Variants in NTNG1 observed in about 807,000 individuals in gnomAD.
NTNG1 encodes the protein netrin-G1.
Under a neutral mutation model 54.0 loss-of-function variants are expected in NTNG1, and 16 were observed. The observed-to-expected ratio is 0.30, with a 90% CI of 0.20 to 0.45. The LOEUF is 0.45. Among genes scored for constraint, NTNG1 ranks in the 20% least tolerant of loss-of-function variants. The probability of loss-of-function intolerance (pLI) is 1.00; values close to 1 mark genes in which losing one functional copy is unlikely to be tolerated. For missense variants in NTNG1, 530 were observed against 678.7 expected, an observed-to-expected ratio of 0.78 and a Z score of 2.43; for synonymous variants, 255 against 263.1, an observed-to-expected ratio of 0.97 and a Z score of 0.30.
intron 1 of NTNG1, among the ~76,000 whole-genome samples, chr1:107,147,727 T>A (rs1454906515): frequency 6.6e-6 from 1 of 152,196 alleles, no homozygotes; most frequent in Non-Finnish European, 1.5e-5. Context: ...CATTGTTCTC[T>A]TGGAAGATTT....
chr1:107,309,508 A>G (rs1337040123), intron 2 of NTNG1, among the ~76,000 whole-genome samples: 1 of 152,210 alleles, frequency 6.6e-6, no homozygotes, highest in African/African-American at 2.4e-5. Flanking sequence ...TTGTTTGCTC[A>G]TCTTTTATTG....
chr1:107,346,884 T>TAAA (rs537482440), intron 3 of NTNG1, among the ~76,000 whole-genome samples: 2 of 97,142 alleles, frequency 2.1e-5, no homozygotes, highest in African/African-American at 3.9e-5. Context: ...TTTTCTATCC[T>TAAA]AAAAAAAAAA....
intron 2 of NTNG1, among the ~76,000 whole-genome samples, chr1:107,285,164 C>T (rs769045783): frequency 3.3e-5 from 5 of 152,026 alleles, no homozygotes; most frequent in Admixed American, 1.3e-4. Context: ...CAGAATAACA[C>T]GAAGTAGAGT....
chr1:107,470,566 T>C (rs1339962853), intron 7 of NTNG1, among the ~76,000 whole-genome samples: 1 of 152,252 alleles, frequency 6.6e-6, no homozygotes, highest in Non-Finnish European at 1.5e-5. Flanking sequence ...TATCTGCCTT[T>C]CATCCTGGCA....
intron 3 of NTNG1, among the ~76,000 whole-genome samples, chr1:107,386,131 GTA>G (rs1205901659): frequency 1.3e-4 from 17 of 131,036 alleles, no homozygotes; most frequent in South Asian, 5.2e-4. Context: ...TTATATGTAT[GTA>G]TATATATATA....
rs1300539300 is a variant in NTNG1, at chr1:107,263,336, CCTTT to C, written c.247-60945_247-60942del. Reference sequence around the variant, plus strand: ...TCCTTCCTTCCTTCTTTCCTTCCTTCCTTTTTTTCTTTTTTTTTCCTTTACAAAG... The same window carrying C: ...TCCTTCCTTCCTTCTTTCCTTCCTTCTTTTCTTTTTTTTTCCTTTACAAAG... On this transcript the variant is annotated intron_variant, in intron 2 of 7. Coordinates refer to ENST00000370068, the MANE Select transcript of NTNG1 (RefSeq NM_001113226.3). 6.0e-5 allele frequency among the ~76,000 whole-genome samples: 9 copies of C among 150,330 alleles called. 1 individual carries two copies. Among genetic ancestry groups the C allele is most frequent in the African/African-American group, 1.9e-4 (8 of 41,152 alleles).
chr1:107,222,116 G>T (rs763599169), intron 2 of NTNG1, among the ~76,000 whole-genome samples: 5 of 151,708 alleles, frequency 3.3e-5, no homozygotes, highest in African/African-American at 1.2e-4. Context: ...CTTCCATCTC[G>T]GTGGATACAT....
chr1:107,207,378 CT>C (rs557398941), intron 2 of NTNG1, among the ~76,000 whole-genome samples: 14 of 152,158 alleles, frequency 9.2e-5, no homozygotes, highest in Non-Finnish European at 1.8e-4. Context: ...GAAAAAATGA[CT>C]TTCAGACTGT....
intron 2 of NTNG1, among the ~76,000 whole-genome samples, chr1:107,317,656 A>G (rs76979952): frequency 0.039 from 5,982 of 152,226 alleles, 138 homozygotes; most frequent in Non-Finnish European, 0.046. Context: ...GGGGATTTAC[A>G]CAGGTGTCTA....
chr1:107,264,878 G>A lies in NTNG1; in HGVS notation c.247-59404G>A, dbSNP rs375867801. Among the ~76,000 whole-genome samples, 5 of 152,234 alleles carry A rather than the reference G, an allele frequency of 3.3e-5. No homozygotes were observed. In the East Asian group the frequency reaches 5.8e-4, roughly 18 times the overall value. On this transcript the variant is annotated intron_variant, in intron 2 of 7. Coordinates refer to ENST00000370068, the MANE Select transcript of NTNG1 (RefSeq NM_001113226.3). Reference sequence around the variant, plus strand: ...CATTCACACATAGCTTGTTTCCCCCGAAATAAAGGTTTTGATCAAATATGC... The same window carrying A: ...CATTCACACATAGCTTGTTTCCCCCAAAATAAAGGTTTTGATCAAATATGC...
At chr1:107,333,243 T>C (rs183693282) in intron 3 of NTNG1, among the ~76,000 whole-genome samples, 6 of 152,158 alleles carry the variant, frequency 3.9e-5, no homozygotes, top group Non-Finnish European at 7.4e-5. Context: ...GAGAAATAGA[T>C]TCTCACTCTG....
At chr1:107,332,703 C>T (rs1469096831) in intron 3 of NTNG1, among the ~76,000 whole-genome samples, 1 of 152,012 alleles carries the variant, frequency 6.6e-6, no homozygotes, top group African/African-American at 2.4e-5. Flanking sequence ...CAAATAAATA[C>T]AAGAACAAAT....
chr1:107,416,313 G>GA (rs201929796), intron 5 of NTNG1, among the ~76,000 whole-genome samples: 48 of 148,276 alleles, frequency 3.2e-4, no homozygotes, highest in Non-Finnish European at 4.6e-4. Flanking sequence ...AAAATTATTT[G>GA]AAAAAAAAAA....
At chr1:107,335,192 G>A (rs1169396545) in intron 3 of NTNG1, among the ~76,000 whole-genome samples, 1 of 151,948 alleles carries the variant, frequency 6.6e-6, no homozygotes, top group Non-Finnish European at 1.5e-5. Context: ...ATGAAGAGAA[G>A]TCCATGAAAA....
intron 3 of NTNG1, among the ~76,000 whole-genome samples, chr1:107,376,195 C>T (rs1176986300): frequency 2.0e-5 from 3 of 151,376 alleles, no homozygotes; most frequent in Non-Finnish European, 2.9e-5. Flanking sequence ...CAGAGGTGGG[C>T]GGATCATGAG....
At chr1:107,418,768 A>T (rs1458015237) in intron 5 of NTNG1, 5 of 609,566 alleles carry the variant, frequency 8.2e-6, no homozygotes, top group Non-Finnish European at 1.1e-5. Flanking sequence ...AAGAATCATA[A>T]TTCAATCTTT....
At chr1:107,163,753 C>G (rs566130120) in intron 2 of NTNG1, among the ~76,000 whole-genome samples, 2 of 151,932 alleles carry the variant, frequency 1.3e-5, no homozygotes, top group African/African-American at 4.8e-5. Context: ...TGTCTACGAA[C>G]GATGTAATAA....
intron 7 of NTNG1, among the ~76,000 whole-genome samples, chr1:107,476,633 C>T (rs1046383127): frequency 1.3e-5 from 2 of 152,136 alleles, no homozygotes; most frequent in African/African-American, 4.8e-5. Flanking sequence ...CAAATCTTTT[C>T]CCTCCTTCCC....
At chr1:107,287,916 A>T (rs2101751366) in intron 2 of NTNG1, among the ~76,000 whole-genome samples, 1 of 152,282 alleles carries the variant, frequency 6.6e-6, no homozygotes, top group South Asian at 2.1e-4. Context: ...TCTGGCACTT[A>T]TGAAAGCTTA....
Sources: gnomAD v4.1 joint callset for allele counts (sites outside exome capture counted in the v4.1 genomes callset) on GRCh38, gnomAD v4.1.1 for gene constraint, MANE v1.5 for transcripts, NCBI Gene and HGNC (gene_info 2026-07-23, HGNC 2026-07-21) for gene names.